Variants in PLCE1 observed in about 807,000 individuals in gnomAD.
PLCE1 encodes phospholipase C epsilon 1.
Under a neutral mutation model 242.8 loss-of-function variants are expected in PLCE1, and 119 were observed. That is an observed-to-expected ratio of 0.49 (90% CI 0.42 to 0.57). PLCE1 has a LOEUF of 0.57. Among genes scored for constraint, PLCE1 ranks in the 20% least tolerant of loss-of-function variants. The pLI is 0.00. For synonymous variants in PLCE1, 945 were observed against 1,017.4 expected (o/e 0.93, Z 1.35); for missense variants, 2,441 against 2,788.8 (o/e 0.88, Z 2.81).
At chr10:94,324,704 C>G in intron 31 of PLCE1, 137 bp downstream of exon 31, 2 of 1,004,066 alleles carry the variant, frequency 2.0e-6, no homozygotes, top group Non-Finnish European at 3.1e-6. Flanking sequence ...AATTGTTTGG[C>G]TTTGTTTTCA....
intron 3 of PLCE1, among the ~76,000 whole-genome samples, chr10:94,164,940 C>T (rs1307042320): frequency 6.6e-6 from 1 of 152,190 alleles, no homozygotes; most frequent in Non-Finnish European, 1.5e-5. Context: ...CCAGAGGCTG[C>T]AGAACAGTGG....
intron 3 of PLCE1, among the ~76,000 whole-genome samples, chr10:94,135,882 A>G (rs2046755361): frequency 6.6e-6 from 1 of 152,196 alleles, no homozygotes; most frequent in African/African-American, 2.4e-5. Context: ...GCTTTTTGTT[A>G]TGGCTAATTA....
rs1345503411 is a variant in PLCE1, at chr10:94,308,676, G to A, written c.5980G>A (p.Gly1994Ser). 2 of 1,602,446 alleles carry A rather than the reference G, an allele frequency of 1.2e-6. No individual in the cohort carries two copies. Among genetic ancestry groups the A allele is most frequent in the African/African-American group, 1.3e-5 (1 of 74,854 alleles). The change falls in exon 27 of 33, where the codon GGC (glycine) becomes AGC (serine). Residue 1994 changes from glycine to serine, a missense_variant. Physicochemically the swap from Gly to Ser is moderately conservative, Grantham distance 56. Coordinates refer to ENST00000371380, the MANE Select transcript of PLCE1 (RefSeq NM_016341.4). ...CAGAAGGATGGAAGAAAATTCCTCT[G>A]GCAATACCATGTCAGCCTCTTCGGT... Reference protein sequence around the residue: ...NSRRMEENSSGNTMSASSMFN... With the variant: ...NSRRMEENSSSNTMSASSMFN...
intron 18 of PLCE1, among the ~76,000 whole-genome samples, chr10:94,272,998 C>T (rs765119559): frequency 1.8e-4 from 28 of 151,918 alleles, no homozygotes; most frequent in Non-Finnish European, 3.5e-4. Context: ...CTCAGGAGTT[C>T]GAGACCAGCC....
At chr10:94,039,998 G>A (rs11187775) in intron 2 of PLCE1, among the ~76,000 whole-genome samples, 60,768 of 151,908 alleles carry the variant, frequency 0.4, 15,008 homozygotes, top group African/African-American at 0.71. Flanking sequence ...ATGAAGATCA[G>A]GCAAGTGGCA....
At chr10:94,134,936 C>T (rs2046720322) in intron 3 of PLCE1, among the ~76,000 whole-genome samples, 1 of 152,200 alleles carries the variant, frequency 6.6e-6, no homozygotes, top group Non-Finnish European at 1.5e-5. Context: ...CTAGAAACTC[C>T]TGCTGAATAA....
chr10:94,171,311 C>G lies in PLCE1; in HGVS notation c.1624C>G (p.Gln542Glu). 7 of 1,614,178 alleles carry G rather than the reference C, an allele frequency of 4.3e-6. No homozygotes were observed. The highest frequency in any genetic ancestry group is 5.9e-6 in the Non-Finnish European group (7 of 1,180,024). ...GGAAGTCGCCAGCATCCTGATGGAGCAAGAGCAGACTATTTACCGCAGGGT... is the reference window on the plus strand; with the variant it reads ...GGAAGTCGCCAGCATCCTGATGGAGGAAGAGCAGACTATTTACCGCAGGGT... ...PEEVASILME[Q>E]EQTIYRRVLP... is the part of the protein sequence containing the mutation. The change falls in exon 4 of 33, where the codon CAA (glutamine) becomes GAA (glutamate). Residue 542 changes from glutamine (Q) to glutamate (E), a missense_variant. Transcript: ENST00000371380.
intron 28 of PLCE1, among the ~76,000 whole-genome samples, chr10:94,314,258 G>A (rs2053492248): frequency 6.6e-6 from 1 of 152,118 alleles, no homozygotes; most frequent in African/African-American, 2.4e-5. Flanking sequence ...TTGGCACAGT[G>A]GCCTAAAATC....
intron 2 of PLCE1, among the ~76,000 whole-genome samples, chr10:94,075,517 T>C (rs973365030): frequency 1.3e-5 from 2 of 152,260 alleles, no homozygotes; most frequent in African/African-American, 4.8e-5. Context: ...ACTGCTGACT[T>C]CTACTGACTA....
At chr10:94,081,532 CA>C (rs1177635768) in intron 2 of PLCE1, among the ~76,000 whole-genome samples, 1 of 152,182 alleles carries the variant, frequency 6.6e-6, no homozygotes, top group Non-Finnish European at 1.5e-5. Flanking sequence ...AACCAAGCTG[CA>C]GTATGCAGTT....
chr10:94,087,683 TC>T (rs1362517532), intron 2 of PLCE1, among the ~76,000 whole-genome samples: 2 of 152,030 alleles, frequency 1.3e-5, no homozygotes, highest in African/African-American at 4.8e-5. Flanking sequence ...CCTCAAGCCA[TC>T]CTCCCACTTC....
At chr10:94,295,804 G>A (rs1306461922) in intron 23 of PLCE1, among the ~76,000 whole-genome samples, 1 of 152,210 alleles carries the variant, frequency 6.6e-6, no homozygotes, top group Non-Finnish European at 1.5e-5. Context: ...GAAAAATCAT[G>A]CTGTAAACAG....
chr10:94,023,626 C>A lies in PLCE1; in HGVS notation c.-364-7057C>A, dbSNP rs558172099. Among the ~76,000 whole-genome samples the A allele has an allele frequency of 3.9e-5, 6 of 152,262 alleles. No individual in the cohort carries two copies. The South Asian group carries it at 1.2e-3, about 32-fold the overall frequency. ...AGACTGTCTTTACAGGGAAGATTTC[C>A]TTTCCTTGTGAGATTTGCAATTGGG... On this transcript the variant is annotated intron_variant, in intron 1 of 32. Transcript: ENST00000371380.
chr10:94,076,230 G>T (rs2044496355), intron 2 of PLCE1, among the ~76,000 whole-genome samples: 1 of 152,038 alleles, frequency 6.6e-6, no homozygotes, highest in African/African-American at 2.4e-5. Flanking sequence ...AAGGGGTACG[G>T]GATATCCTTA....
rs549888066 is a variant in PLCE1 at position 94,047,091 on chromosome 10, A to G, written c.1206+14839A>G. ...TATACCAACTTTAGTGACACTGTTA[A>G]TAAGTTCTGATAACCCACTACCATT... is the stretch of plus-strand genomic sequence containing the variant. On this transcript the variant is annotated intron_variant, in intron 2 of 32. Coordinates refer to ENST00000371380, the MANE Select transcript of PLCE1 (RefSeq NM_016341.4). Among the ~76,000 whole-genome samples the G allele has an allele frequency of 5.6e-4, 86 of 152,320 alleles. 1 individual carries two copies. The highest frequency in any genetic ancestry group is 2.3e-3 in the South Asian group (11 of 4,828).
chr10:94,228,651 T>C (rs940598452), intron 5 of PLCE1, among the ~76,000 whole-genome samples: 1 of 152,218 alleles, frequency 6.6e-6, no homozygotes, highest in African/African-American at 2.4e-5. Flanking sequence ...GTAGGGATTC[T>C]GGGTTAGGGG....
chr10:94,075,901 T>C (rs1019676264), intron 2 of PLCE1, among the ~76,000 whole-genome samples: 1 of 152,254 alleles, frequency 6.6e-6, no homozygotes. Flanking sequence ...CAGCTAATGC[T>C]TATTTCCTAT....
At chr10:94,120,712 G>C (rs1248106895) in intron 2 of PLCE1, 1 of 152,140 alleles carries the variant, frequency 6.6e-6, no homozygotes, top group Non-Finnish European at 1.5e-5. Flanking sequence ...CTTTGCCCCT[G>C]GAAGTGATGC....
intron 2 of PLCE1, among the ~76,000 whole-genome samples, chr10:94,087,341 C>T (rs1056256020): frequency 8.0e-6 from 1 of 124,746 alleles, no homozygotes; most frequent in East Asian, 2.4e-4. Context: ...CAGAGCGAGA[C>T]CCTGTCTCAA....
Sources: gnomAD v4.1 joint callset for allele counts (sites outside exome capture counted in the v4.1 genomes callset) on GRCh38, gnomAD v4.1.1 for gene constraint, MANE v1.5 for transcripts, NCBI Gene and HGNC (gene_info 2026-07-23, HGNC 2026-07-21) for gene names.